The following BSG variants were observed in gnomAD, a reference collection of about 807,000 sequenced individuals.
The protein encoded by BSG is basigin (Ok blood group), also known as basigin.
Under a neutral mutation model 43.1 loss-of-function variants are expected in BSG, and 37 were observed. That is an observed-to-expected ratio of 0.86 (90% CI 0.66 to 1.13). The LOEUF (loss-of-function observed/expected upper bound fraction) is 1.13. Ranked by LOEUF, BSG falls within the 50% of genes most tolerant of loss-of-function variation. BSG has a pLI of 0.00. For missense variants in BSG, 599 were observed against 554.2 expected, an observed-to-expected ratio of 1.08 and a Z score of -0.81; for synonymous variants, 309 against 238.7, an observed-to-expected ratio of 1.29 and a Z score of -2.72.
At chr19:579,036 G>A (rs750094779) in intron 2 of BSG, 10 of 456,590 alleles carry the variant, frequency 2.2e-5, no homozygotes, top group East Asian at 6.9e-5. Flanking sequence ...GGCCACCACC[G>A]CGCCCAGCTG....
upstream of BSG, chr19:572,175 G>A (rs945071973): frequency 1.2e-5 from 2 of 160,084 alleles, no homozygotes; most frequent in African/African-American, 2.4e-5. Context: ...CCGGGCTCAA[G>A]CGATCTTCCC....
intron 7 of BSG, 58 bp downstream of exon 7, chr19:582,388 T>G: frequency 6.3e-7 from 1 of 1,595,608 alleles, no homozygotes; most frequent in Non-Finnish European, 8.5e-7. Flanking sequence ...CCCCAGGCCT[T>G]TAAAACACAA....
chr19:578,117 G>A lies in BSG; in HGVS notation c.411G>A (p.Leu137=), dbSNP rs564593406. 3 of 1,566,184 alleles carry A rather than the reference G, an allele frequency of 1.9e-6. No individual in the cohort carries two copies. The highest frequency in any genetic ancestry group is 2.7e-5 in the African/African-American group (2 of 74,088). Residue 137 remains leucine (L), a synonymous_variant, in exon 2 of 9, where the codon CTG becomes CTA. Transcript: ENST00000333511. ...WVRAQAVVLV[L]EPGTVFTTVE... ...GCGCCCAGGCAGTCGTGCTAGTCCT[G>A]GAACGTGAGTGGCGGGCACCTCCCT...
chr19:575,882 TGG>T (rs971789875), intron 1 of BSG, among the ~76,000 whole-genome samples: 2 of 150,874 alleles, frequency 1.3e-5, no homozygotes, highest in African/African-American at 4.9e-5. Flanking sequence ...GGGTGGTCCG[TGG>T]GGTGGGGGCG....
chr19:571,885 AGAAG>A (rs1981269205), upstream of BSG: 2 of 448,324 alleles, frequency 4.5e-6, no homozygotes. Flanking sequence ...CGAGGAAAGA[AGAAG>A]GGGGTAAGGT....
At chr19:573,223 G>C (rs141163893) in intron 1 of BSG, among the ~76,000 whole-genome samples, 1 of 152,274 alleles carries the variant, frequency 6.6e-6, no homozygotes, top group East Asian at 1.9e-4. Context: ...TGCCCAACCC[G>C]TCCTGCTGGG....
Position 577,894 on chromosome 19 carries a change from C to T in BSG, c.188C>T (p.Pro63Leu). 1.9e-6 allele frequency: 3 copies of T among 1,591,678 alleles called. No homozygotes were observed. The highest frequency in any genetic ancestry group is 2.6e-6 in the Non-Finnish European group (3 of 1,165,580). ...EIQWWFEGQG[P>L]NDTCSQLWDG... ...CAGTGGTGGTTTGAAGGGCAGGGTC[C>T]CAACGACACCTGCTCCCAGCTCTGG... Residue 63 changes from proline to leucine, a missense_variant, in exon 2 of 9, where the codon CCC (proline) becomes CTC (leucine). Transcript: ENST00000333511.
At chr19:575,786 C>T (rs1981716269) in intron 1 of BSG, among the ~76,000 whole-genome samples, 1 of 152,152 alleles carries the variant, frequency 6.6e-6, no homozygotes, top group South Asian at 2.1e-4. Flanking sequence ...CGAATTCTAA[C>T]CTTTCTGGGG....
Position 582,738 on chromosome 19 carries a change from C to A in BSG, c.*6-12C>A. The A allele has an allele frequency of 1.3e-6, 1 of 785,136 alleles. No individual in the cohort carries two copies. Among genetic ancestry groups the A allele is most frequent in the Non-Finnish European group, 2.1e-6 (1 of 486,762 alleles). The allele number at this position is 785,136 out of a possible 1,614,324, so 48.6% of individuals were successfully genotyped here. A position where few individuals can be genotyped will look rare whatever the true frequency, so the allele number is the denominator to read the frequency against. Reference sequence around the variant, plus strand: ...AGGTGGGTCCAGTCTGAGCGCCCCTCCCTGTCCACAGGTGGCCCGAGGACG... The same window carrying A: ...AGGTGGGTCCAGTCTGAGCGCCCCTACCTGTCCACAGGTGGCCCGAGGACG... On this transcript the variant is annotated splice_polypyrimidine_tract_variant and intron_variant, in intron 8 of 8. Transcript: ENST00000333511.
intron 1 of BSG, 149 bp downstream of exon 1, chr19:572,850 C>T (rs1439241713): frequency 7.0e-6 from 7 of 1,006,798 alleles, no homozygotes; most frequent in Non-Finnish European, 9.1e-6. Context: ...CCCGCGCCAG[C>T]ATGGAGCTTG....
At chr19:581,644 C>T in intron 6 of BSG, 53 bp downstream of exon 6, 1 of 1,510,996 alleles carries the variant, frequency 6.6e-7, no homozygotes, top group Non-Finnish European at 8.8e-7. Context: ...TGGCCCAGGG[C>T]CACTCCTGGT....
At chr19:573,039 C>T (rs1415052196) in intron 1 of BSG, among the ~76,000 whole-genome samples, 1 of 132,380 alleles carries the variant, frequency 7.6e-6, no homozygotes, top group African/African-American at 3.0e-5. Flanking sequence ...AGGTGGGCGT[C>T]TTGCTTTTCG....
chr19:575,914 A>G (rs1176244905), intron 1 of BSG, among the ~76,000 whole-genome samples: 1 of 151,922 alleles, frequency 6.6e-6, no homozygotes, highest in Non-Finnish European at 1.5e-5. Flanking sequence ...GTCCCCGAGG[A>G]GCCTCTATGG....
At chr19:579,332 C>T (rs1982067380) in intron 2 of BSG, 168 bp from the exon 3 acceptor site, 1 of 932,340 alleles carries the variant, frequency 1.1e-6, no homozygotes, top group Non-Finnish European at 1.7e-6. Context: ...GGAGGCGTGG[C>T]CAGAAGTTCC....
chr19:579,555 C>T lies in BSG; in HGVS notation c.471C>T (p.Cys157=). The T allele has an allele frequency of 6.2e-7, 1 of 1,612,776 alleles. No homozygotes were observed. The highest frequency in any genetic ancestry group is 1.1e-5 in the South Asian group (1 of 91,092). ...TTGGCTCCAAGATACTCCTCACCTG[C>T]TCCTTGAATGACAGCGCCACAGAGG... is the stretch of plus-strand genomic sequence containing the variant. ...EDLGSKILLT[C]SLNDSATEVT... Residue 157 remains cysteine (C), a synonymous_variant, in exon 3 of 9, where the codon TGC becomes TGT. Transcript: ENST00000333511.
At chr19:582,470 T>C (rs779026082) in intron 7 of BSG, 44 bp from the exon 8 acceptor site, 29 of 1,600,714 alleles carry the variant, frequency 1.8e-5, no homozygotes, top group Admixed American at 3.4e-5. Flanking sequence ...TTGGAGAGAG[T>C]GACTTGCGGG....
upstream of BSG, chr19:572,452 G>C (rs1600470567): frequency 5.2e-6 from 6 of 1,151,618 alleles, no homozygotes; most frequent in Non-Finnish European, 5.3e-6. Flanking sequence ...CGGAGCCGGC[G>C]CGTACATGCG....
At chr19:578,615 A>G (rs1280530621) in intron 2 of BSG, among the ~76,000 whole-genome samples, 1 of 152,254 alleles carries the variant, frequency 6.6e-6, no homozygotes, top group African/African-American at 2.4e-5. Context: ...GATTGGCAGA[A>G]GAACCGGGGT....
intron 1 of BSG, chr19:575,330 C>T (rs1467270930): frequency 6.6e-6 from 1 of 152,410 alleles, no homozygotes; most frequent in Non-Finnish European, 1.5e-5. Context: ...CTGTGTTTGC[C>T]TCTCCTGAAA....
Sources: gnomAD v4.1 joint callset for allele counts (sites outside exome capture counted in the v4.1 genomes callset) on GRCh38, gnomAD v4.1.1 for gene constraint, MANE v1.5 for transcripts, NCBI Gene and HGNC (gene_info 2026-07-23, HGNC 2026-07-21) for gene names.